The following IPCEF1 variants were observed in gnomAD, a reference collection of about 807,000 sequenced individuals.
IPCEF1 encodes the protein interaction protein for cytohesin exchange factors 1.
A neutral mutation model predicts 50.9 loss-of-function variants in IPCEF1; 31 were observed. The observed-to-expected ratio is 0.61, with a 90% confidence interval of 0.46 to 0.82. The LOEUF is 0.82. IPCEF1 is among the 40% of genes least tolerant of loss of function. The probability of loss-of-function intolerance (pLI) is 0.00; values close to 1 mark genes in which losing one functional copy is unlikely to be tolerated. For synonymous variants in IPCEF1, 181 were observed against 192.0 expected (o/e 0.94, Z 0.47); for missense variants, 458 against 514.0 (o/e 0.89, Z 1.05).
intron 1 of IPCEF1, among the ~76,000 whole-genome samples, chr6:154,332,596 G>C (rs1284563079): frequency 1.3e-5 from 2 of 152,070 alleles, no homozygotes; most frequent in Non-Finnish European, 2.9e-5. Context: ...ATAAAACTGG[G>C]GATTCCAGCA....
chr6:154,169,669 C>T (rs1336808277), intron 10 of IPCEF1, among the ~76,000 whole-genome samples: 1 of 152,164 alleles, frequency 6.6e-6, no homozygotes, highest in African/African-American at 2.4e-5. Flanking sequence ...ACTCCATCTC[C>T]CTTCCTAACC....
At chr6:154,182,572 C>T (rs1314133419) in intron 10 of IPCEF1, among the ~76,000 whole-genome samples, 1 of 152,208 alleles carries the variant, frequency 6.6e-6, no homozygotes, top group African/African-American at 2.4e-5. Flanking sequence ...ACTATGTTTC[C>T]TCATATGCTA....
intron 10 of IPCEF1, among the ~76,000 whole-genome samples, chr6:154,193,942 A>G (rs1413494690): frequency 1.4e-5 from 2 of 142,320 alleles, no homozygotes; most frequent in Admixed American, 1.4e-4. Flanking sequence ...AGGGATGTCC[A>G]ACATAACAGA....
intron 2 of IPCEF1, among the ~76,000 whole-genome samples, chr6:154,271,865 T>C (rs1781909971): frequency 6.6e-6 from 1 of 152,212 alleles, no homozygotes; most frequent in African/African-American, 2.4e-5. Flanking sequence ...TGTGCACCTG[T>C]AGCCCCAGCT....
intron 2 of IPCEF1, among the ~76,000 whole-genome samples, chr6:154,273,644 T>A (rs1181417853): frequency 8.6e-5 from 13 of 151,668 alleles, no homozygotes; most frequent in Admixed American, 8.6e-4. Flanking sequence ...TGTGACTTTG[T>A]TCAGGAACTT....
chr6:154,166,374 CCT>C (rs1799433002), intron 11 of IPCEF1, among the ~76,000 whole-genome samples: 1 of 152,218 alleles, frequency 6.6e-6, no homozygotes, highest in Non-Finnish European at 1.5e-5. Context: ...CAGCCTTTCT[CCT>C]TCTACTAATG....
intron 1 of IPCEF1, among the ~76,000 whole-genome samples, chr6:154,345,487 G>A (rs747594791): frequency 9.9e-5 from 15 of 152,026 alleles, no homozygotes; most frequent in Middle Eastern, 3.2e-3. Flanking sequence ...ATATAAGATC[G>A]CAAAAAAATA....
chr6:154,339,217 A>C (rs1783852444), intron 1 of IPCEF1, among the ~76,000 whole-genome samples: 1 of 152,140 alleles, frequency 6.6e-6, no homozygotes, highest in Non-Finnish European at 1.5e-5. Flanking sequence ...ATATTTTCTG[A>C]ATCTCATTAT....
intron 1 of IPCEF1, among the ~76,000 whole-genome samples, chr6:154,300,320 T>A (rs963233611): frequency 2.1e-5 from 2 of 95,446 alleles, no homozygotes; most frequent in African/African-American, 6.6e-5. Context: ...TCTTTCTTTG[T>A]TAAACAAATG....
chr6:154,258,485 T>C (rs1479467616), intron 3 of IPCEF1, among the ~76,000 whole-genome samples: 1 of 152,244 alleles, frequency 6.6e-6, no homozygotes, highest in East Asian at 1.9e-4. Flanking sequence ...TCTGTTTATC[T>C]GTGTGGGATA....
intron 3 of IPCEF1, among the ~76,000 whole-genome samples, chr6:154,256,891 G>A (rs1209765282): frequency 6.6e-6 from 1 of 152,120 alleles, no homozygotes; most frequent in Non-Finnish European, 1.5e-5. Context: ...CTTCACATGG[G>A]ATTTTCAACA....
intron 1 of IPCEF1, among the ~76,000 whole-genome samples, chr6:154,331,006 C>G (rs1010521593): frequency 3.3e-5 from 5 of 152,178 alleles, no homozygotes; most frequent in African/African-American, 1.2e-4. Flanking sequence ...AGTTGTTAGT[C>G]TCTCTAAAAT....
chr6:154,171,096 C>T (rs1284563779), intron 10 of IPCEF1, among the ~76,000 whole-genome samples: 3 of 152,134 alleles, frequency 2.0e-5, no homozygotes, highest in East Asian at 3.9e-4. Context: ...GCATGTGCCC[C>T]AGCAATTACA....
intron 3 of IPCEF1, among the ~76,000 whole-genome samples, chr6:154,265,528 C>G (rs1781733729): frequency 6.6e-6 from 1 of 152,094 alleles, no homozygotes; most frequent in South Asian, 2.1e-4. Flanking sequence ...ATCTGCCCTC[C>G]TCGGCCTCCC....
chr6:154,242,660 G>A (rs1343922836), intron 5 of IPCEF1, among the ~76,000 whole-genome samples: 2 of 152,202 alleles, frequency 1.3e-5, no homozygotes, highest in Non-Finnish European at 2.9e-5. Context: ...GCCAAGGCAG[G>A]TGGATCACTT....
chr6:154,188,660 G>T (rs1022834636), intron 10 of IPCEF1, among the ~76,000 whole-genome samples: 1 of 152,344 alleles, frequency 6.6e-6, no homozygotes. Flanking sequence ...AATGGTATGA[G>T]CCAGGGTAGA....
chr6:154,256,481 T>A (rs1781463990), intron 3 of IPCEF1, among the ~76,000 whole-genome samples: 1 of 151,940 alleles, frequency 6.6e-6, no homozygotes, highest in East Asian at 1.9e-4. Context: ...TGTCTTCTCT[T>A]TCTCTGCCTT....
At chr6:154,349,505 C>A (rs1784088390) in intron 1 of IPCEF1, among the ~76,000 whole-genome samples, 1 of 151,868 alleles carries the variant, frequency 6.6e-6, no homozygotes, top group Non-Finnish European at 1.5e-5. Flanking sequence ...GGGTCAAATT[C>A]CTGATTTCAA....
chr6:154,280,848 T>C (rs117480820), intron 2 of IPCEF1, among the ~76,000 whole-genome samples: 3 of 152,296 alleles, frequency 2.0e-5, no homozygotes, highest in East Asian at 3.9e-4. Context: ...AGCTATTCCA[T>C]TTTTTTCATG....
Sources: allele counts gnomAD v4.1 joint callset (sites outside exome capture counted in the v4.1 genomes callset), GRCh38; gene constraint gnomAD v4.1.1; transcripts MANE v1.5; gene names NCBI Gene and HGNC (gene_info 2026-07-23, HGNC 2026-07-21).